IGF2R: variants seen among roughly 807,000 people sequenced by gnomAD.
IGF2R encodes cation-independent mannose-6-phosphate receptor.
Under a neutral mutation model 270.6 loss-of-function variants are expected in IGF2R, and 91 were observed. The observed-to-expected ratio is 0.34, with a 90% CI of 0.28 to 0.40. IGF2R has a LOEUF of 0.40. IGF2R is among the 10% of genes least tolerant of loss of function. The probability of loss-of-function intolerance (pLI) is 1.00; values close to 1 mark genes in which losing one functional copy is unlikely to be tolerated. For synonymous variants in IGF2R, 1,316 were observed against 1,258.9 expected, an observed-to-expected ratio of 1.05 and a Z score of -0.96; for missense variants, 2,805 against 3,188.3, an observed-to-expected ratio of 0.88 and a Z score of 2.90.
chr6:160,064,360 G>A lies in IGF2R; in HGVS notation c.3887-41G>A, dbSNP rs1778508806. On this transcript the variant is annotated intron_variant, in intron 27 of 47. Transcript: ENST00000356956. ...CTTAGGCTAAGTTTGACAGCCTAGG[G>A]ACCCGAACCAAACCTTGTTTAATGT... The A allele has an allele frequency of 1.9e-6, 3 of 1,613,860 alleles. No individual in the cohort carries two copies. In the East Asian group the frequency reaches 6.7e-5, roughly 36 times the overall value.
At position 160,061,938 on chromosome 6, in the gene IGF2R, C is replaced by G; in HGVS notation, c.3582+10C>G. On this transcript the variant is annotated intron_variant, in intron 25 of 47. Transcript: ENST00000356956. ...GTGTGCTCAGATATCGGTGTGTGTT[C>G]AGACCAGCAATGAGATGTTGTCCCC... The G allele has an allele frequency of 6.2e-7, 1 of 1,613,072 alleles. No homozygotes were observed. The highest frequency in any genetic ancestry group is 1.7e-5 in the Admixed American group (1 of 59,998).
intron 8 of IGF2R, 23 bp downstream of exon 8, chr6:160,032,736 C>T (rs1236680686): frequency 1.6e-5 from 26 of 1,610,586 alleles, no homozygotes; most frequent in Non-Finnish European, 2.0e-5. Flanking sequence ...TTTCTGCCTC[C>T]TGGCGCTGCT....
chr6:160,011,428 T>C (rs1784331458), intron 4 of IGF2R, among the ~76,000 whole-genome samples: 1 of 152,120 alleles, frequency 6.6e-6, no homozygotes. Flanking sequence ...CATGTATGTA[T>C]ATATATCTAT....
At chr6:160,059,740 G>T (rs1469463960) in intron 22 of IGF2R, among the ~76,000 whole-genome samples, 1 of 152,150 alleles carries the variant, frequency 6.6e-6, no homozygotes, top group African/African-American at 2.4e-5. Context: ...TGCTCTTCCC[G>T]CTTGGCCCGC....
chr6:160,089,996 C>G lies in IGF2R; in HGVS notation c.6548C>G (p.Ser2183Cys). 6.2e-7 allele frequency: 1 copy of G among 1,607,402 alleles called. No individual in the cohort carries two copies. The highest frequency in any genetic ancestry group is 1.3e-5 in the African/African-American group (1 of 74,854). ...ATCCAACTTTCCTCCATCACAAGCTCCAGAAACCCGGCGTGCTCTGGAGCC... is the reference window on the plus strand; with the variant it reads ...ATCCAACTTTCCTCCATCACAAGCTGCAGAAACCCGGCGTGCTCTGGAGCC... Reference protein sequence around the residue: ...YEIQLSSITSSRNPACSGANI... With the variant: ...YEIQLSSITSCRNPACSGANI... Residue 2183 changes from serine to cysteine, a missense_variant, in exon 44 of 48, where the codon TCC (serine) becomes TGC (cysteine). By Grantham distance (112) the Ser-to-Cys change is moderately radical. Around this residue, in one of 2 missense-constraint regions of IGF2R, gnomAD observed 1,851 missense variants for 2,207.2 expected, o/e 0.84. Transcript: ENST00000356956.
chr6:160,073,043 A>T (rs1284051260), intron 33 of IGF2R, among the ~76,000 whole-genome samples, 159 bp downstream of exon 33: 2 of 152,250 alleles, frequency 1.3e-5, no homozygotes, highest in Admixed American at 1.3e-4. Context: ...ACACATGGTC[A>T]TGTGATGGAA....
intron 1 of IGF2R, among the ~76,000 whole-genome samples, chr6:159,989,316 T>TG (rs755055159): frequency 2.8e-4 from 43 of 152,022 alleles, no homozygotes; most frequent in Non-Finnish European, 5.1e-4. Context: ...GGAGGGCACG[T>TG]GGGGGGGCCT....
At chr6:160,017,362 G>GACT (rs1406866708) in intron 4 of IGF2R, among the ~76,000 whole-genome samples, 1 of 152,180 alleles carries the variant, frequency 6.6e-6, no homozygotes, top group Non-Finnish European at 1.5e-5. Flanking sequence ...AGAAACGTGG[G>GACT]ACTACATGAA....
rs553744228 is a variant in IGF2R, at chr6:160,048,501, C to T, written c.2472C>T (p.Asn824=). The change falls in exon 18 of 48, where the codon AAC becomes AAT. Residue 824 remains asparagine, a synonymous_variant. Coordinates refer to ENST00000356956, the MANE Select transcript of IGF2R (RefSeq NM_000876.4). The part of the protein sequence containing the change: ...CRPLNPVPGC[N]RYASACQMKY... The stretch of plus-strand genomic sequence containing the variant: ...CTCTGAATCCAGTGCCGGGCTGCAA[C>T]CGATATGCATCGGCTTGCCAGATGA... 1 of 1,614,044 alleles carries T rather than the reference C, an allele frequency of 6.2e-7. No homozygotes were observed. Among genetic ancestry groups the T allele is most frequent in the Admixed American group, 1.7e-5 (1 of 59,982 alleles).
chr6:159,971,482 C>A (rs1783607822), intron 1 of IGF2R, among the ~76,000 whole-genome samples: 1 of 152,214 alleles, frequency 6.6e-6, no homozygotes, highest in Admixed American at 6.5e-5. Flanking sequence ...TTTAATTTTT[C>A]TGCCAGATTT....
rs1349332639 is a variant in IGF2R at position 160,110,906 on chromosome 6, AAAGGCCAGAGGGTGCAGG to A, written c.*5826_*5843del. ...AGCAGAGAGTGGAATGGTGGTTACC[AAAGGCCAGAGGGTGCAGG>A]AAGTGAGCAGATGTTGGTGAAAGGG... On this transcript the variant is annotated 3_prime_UTR_variant, in exon 48 of 48. Coordinates refer to ENST00000356956, the MANE Select transcript of IGF2R (RefSeq NM_000876.4). 1 of 152,272 alleles carries A rather than the reference AAAGGCCAGAGGGTGCAGG, an allele frequency of 6.6e-6. No individual in the cohort carries two copies. The highest frequency in any genetic ancestry group is 1.5e-5 in the Non-Finnish European group (1 of 68,058). 9.4% of individuals were successfully genotyped at this position (152,272 alleles called of 1,614,324 possible). A position where few individuals can be genotyped will look rare whatever the true frequency, so the allele number is the denominator to read the frequency against.
intron 1 of IGF2R, among the ~76,000 whole-genome samples, chr6:159,975,528 C>T (rs1002034172): frequency 6.6e-6 from 1 of 151,802 alleles, no homozygotes; most frequent in African/African-American, 2.4e-5. Flanking sequence ...GATGAGAGTC[C>T]TACCTTGGGG....
At chr6:160,047,073 G>T in intron 15 of IGF2R, 86 bp from the exon 16 acceptor site, 1 of 1,292,506 alleles carries the variant, frequency 7.7e-7, no homozygotes, top group Non-Finnish European at 1.1e-6. Flanking sequence ...TCCTCACGTC[G>T]CTCACGGGCC....
intron 2 of IGF2R, among the ~76,000 whole-genome samples, chr6:160,002,020 G>A (rs1200078333): frequency 1.3e-5 from 2 of 152,056 alleles, no homozygotes; most frequent in Non-Finnish European, 2.9e-5. Context: ...ATAAATAGTC[G>A]ATCAACACAT....
At chr6:159,997,810 CAAAA>C (rs1328018967) in intron 2 of IGF2R, among the ~76,000 whole-genome samples, 1 of 152,168 alleles carries the variant, frequency 6.6e-6, no homozygotes, top group Non-Finnish European at 1.5e-5. Context: ...TGTCTTGAAA[CAAAA>C]GAAACCCCCA....
At chr6:160,027,449 T>A in intron 6 of IGF2R, 135 bp downstream of exon 6, 1 of 1,026,274 alleles carries the variant, frequency 9.7e-7, no homozygotes, top group Non-Finnish European at 1.4e-6. Context: ...CATGTACTTG[T>A]AAGATTGTTG....
intron 4 of IGF2R, among the ~76,000 whole-genome samples, chr6:160,016,986 A>C (rs528717221): frequency 6.6e-6 from 1 of 152,354 alleles, no homozygotes; most frequent in East Asian, 1.9e-4. Context: ...ACCCTGAAGG[A>C]TCATATTAAT....
intron 41 of IGF2R, among the ~76,000 whole-genome samples, chr6:160,086,397 G>A (rs1313486399): frequency 6.6e-6 from 1 of 152,140 alleles, no homozygotes; most frequent in African/African-American, 2.4e-5. Context: ...CCCATTGTCC[G>A]CTTAGGGAAT....
In IGF2R at chr6:160,024,643, C is replaced by G. The variant is rs571733998; in HGVS notation, c.585C>G (p.Ala195=). Residue 195 remains alanine (A), a synonymous_variant, in exon 5 of 48, where the codon GCC becomes GCG. Coordinates refer to ENST00000356956, the MANE Select transcript of IGF2R (RefSeq NM_000876.4). ...ATCCTCTGATCAAGCTTAGTGGTGCCTACTTGGTGGATGACTCCGATCCGG... is the reference window on the plus strand; with the variant it reads ...ATCCTCTGATCAAGCTTAGTGGTGCGTACTTGGTGGATGACTCCGATCCGG... ...DLNPLIKLSG[A]YLVDDSDPDT... 6.2e-7 allele frequency: 1 copy of G among 1,613,970 alleles called. No individual in the cohort carries two copies. Among genetic ancestry groups the G allele is most frequent in the South Asian group, 1.1e-5 (1 of 91,070 alleles).
Sources: allele counts gnomAD v4.1 joint callset (sites outside exome capture counted in the v4.1 genomes callset), GRCh38; gene constraint gnomAD v4.1.1; regional missense constraint gnomAD v4.1.1; transcripts MANE v1.5; gene names NCBI Gene and HGNC (gene_info 2026-07-23, HGNC 2026-07-21).